Variants in ZNF462 observed in about 807,000 individuals in gnomAD.
ZNF462 encodes zinc finger PBX1-interacting protein.
Under a neutral mutation model 201.9 loss-of-function variants are expected in ZNF462, and 10 were observed. That is an observed-to-expected ratio of 0.05 (90% CI 0.03 to 0.08). The LOEUF (loss-of-function observed/expected upper bound fraction) is 0.08, where lower values mean the gene tolerates loss of function less well. Ranked by LOEUF, ZNF462 falls within the 10% of genes least tolerant of loss-of-function variation. The pLI is 1.00. For missense variants in ZNF462, 2,523 were observed against 3,168.3 expected, an observed-to-expected ratio of 0.80 and a Z score of 4.89; for synonymous variants, 1,227 against 1,193.3, an observed-to-expected ratio of 1.03 and a Z score of -0.58.
At position 106,984,204 on chromosome 9, in the gene ZNF462, T is replaced by C. The variant is rs1355306476; in HGVS notation, c.6851T>C (p.Ile2284Thr). Residue 2284 changes from isoleucine (I) to threonine (T), a missense_variant, in exon 10 of 13, where the codon ATT becomes ACT. Physicochemically the swap from Ile to Thr is moderately conservative, Grantham distance 89. Transcript: ENST00000277225. This position sits in a 1 kb window ranked among gnomAD's most constrained non-coding sequence, Gnocchi z 6.4. ...TCCACAGAAGAGCGTGTTGTCCCCA[T>C]TGAAGTTTGCCGGTCCAAACTGTCC... is the stretch of plus-strand genomic sequence containing the variant. ...VLHREERVVP[I>T]EVCRSKLSKY... 1 of 1,614,002 alleles carries C rather than the reference T, an allele frequency of 6.2e-7. No homozygotes were observed.
intron 7 of ZNF462, among the ~76,000 whole-genome samples, chr9:106,971,511 A>G (rs1337372177): frequency 1.3e-5 from 2 of 151,846 alleles, no homozygotes; most frequent in African/African-American, 4.8e-5. Flanking sequence ...TCCTCCCGGC[A>G]TGCATTCCCC....
chr9:106,963,535 G>A lies in ZNF462; in HGVS notation c.6428-8470G>A, dbSNP rs374404311. Among the ~76,000 whole-genome samples the A allele has an allele frequency of 1.3e-5, 2 of 152,036 alleles. No individual in the cohort carries two copies. Among genetic ancestry groups the A allele is most frequent in the East Asian group, 1.9e-4 (1 of 5,182 alleles). On this transcript the variant is annotated intron_variant, in intron 7 of 12. Transcript: ENST00000277225. The surrounding 1 kb of genome is among the most constrained non-coding windows in gnomAD (Gnocchi z 4.7). Reference sequence around the variant, plus strand: ...GATTGACAGGAACAATGCCTTGTGTGCCTGTATAGCACGGCTGTCCACAAA... The same window carrying A: ...GATTGACAGGAACAATGCCTTGTGTACCTGTATAGCACGGCTGTCCACAAA...
intron 1 of ZNF462, among the ~76,000 whole-genome samples, chr9:106,871,242 G>T (rs1313177896): frequency 6.6e-6 from 1 of 152,222 alleles, no homozygotes; most frequent in African/African-American, 2.4e-5. Flanking sequence ...GTGAATTAGA[G>T]CTCCAGCTGC....
intron 8 of ZNF462, among the ~76,000 whole-genome samples, chr9:106,973,403 C>G (rs1826741369): frequency 1.3e-5 from 2 of 152,056 alleles, no homozygotes; most frequent in Non-Finnish European, 2.9e-5. Flanking sequence ...TTAATTTGCT[C>G]CAGTTACTTT....
intron 1 of ZNF462, among the ~76,000 whole-genome samples, chr9:106,907,816 T>C (rs1395986181): frequency 6.6e-6 from 1 of 151,994 alleles, no homozygotes; most frequent in Non-Finnish European, 1.5e-5. Context: ...TTGATTCATT[T>C]AGTATTATTA....
chr9:106,941,936 G>T (rs1255590299), intron 7 of ZNF462, among the ~76,000 whole-genome samples: 4 of 152,178 alleles, frequency 2.6e-5, no homozygotes. Context: ...TGTAAATTAG[G>T]CCTTGAATGG....
chr9:106,897,954 C>T (rs548168735), intron 1 of ZNF462, among the ~76,000 whole-genome samples: 2 of 152,210 alleles, frequency 1.3e-5, no homozygotes, highest in Non-Finnish European at 2.9e-5. Flanking sequence ...TCTCCCTCCC[C>T]CTACAAACAT....
Position 106,932,585 on chromosome 9 carries a change from G to C in ZNF462, c.6116+36G>C, listed in dbSNP as rs376409885. ...TTGGGGGGTCACTAGTGGTTACTGGGAGATGATGTCATAGTGGAAGGCACT... is the reference window on the plus strand; with the variant it reads ...TTGGGGGGTCACTAGTGGTTACTGGCAGATGATGTCATAGTGGAAGGCACT... On this transcript the variant is annotated intron_variant, in intron 5 of 12. Coordinates refer to ENST00000277225, the MANE Select transcript of ZNF462 (RefSeq NM_021224.6). This position sits in a 1 kb window ranked among gnomAD's most constrained non-coding sequence, Gnocchi z 6.8. 11 of 1,613,922 alleles carry C rather than the reference G, an allele frequency of 6.8e-6. No individual in the cohort carries two copies. The African/African-American group carries it at 1.1e-4, about 16-fold the overall frequency.
chr9:106,872,485 C>T lies in ZNF462; in HGVS notation c.-31+9130C>T, dbSNP rs1330950554. 1.3e-5 allele frequency among the ~76,000 whole-genome samples: 2 copies of T among 152,184 alleles called. No individual in the cohort carries two copies. The highest frequency in any genetic ancestry group is 2.9e-5 in the Non-Finnish European group (2 of 68,034). ...TCAAGCAATTCTCCTGACTCAGCCT[C>T]CCAAGTAGCTGGGACTACAGGCACA... On this transcript the variant is annotated intron_variant, in intron 1 of 12. Transcript: ENST00000277225. The surrounding 1 kb of genome is among the most constrained non-coding windows in gnomAD (Gnocchi z 4.5).
At chr9:106,874,000 T>G (rs1288922943) in intron 1 of ZNF462, among the ~76,000 whole-genome samples, 1 of 152,206 alleles carries the variant, frequency 6.6e-6, no homozygotes, top group Non-Finnish European at 1.5e-5. Context: ...ATGTCCTGTT[T>G]ATAAAGTGTA....
chr9:107,005,169 T>A lies in ZNF462; in HGVS notation c.7189+1743T>A, dbSNP rs1215211394. On this transcript the variant is annotated intron_variant, in intron 11 of 12. Transcript: ENST00000277225. This position sits in a 1 kb window ranked among gnomAD's most constrained non-coding sequence, Gnocchi z 4.4. Reference sequence around the variant, plus strand: ...TTGGTTATTATGAATAACCCTGCAGTGAACGTGAGAGTGCAGATATTTCTT... The same window carrying A: ...TTGGTTATTATGAATAACCCTGCAGAGAACGTGAGAGTGCAGATATTTCTT... Among the ~76,000 whole-genome samples, 2 of 152,172 alleles carry A rather than the reference T, an allele frequency of 1.3e-5. No individual in the cohort carries two copies. The highest frequency in any genetic ancestry group is 2.9e-5 in the Non-Finnish European group (2 of 68,010).
chr9:106,975,613 G>A (rs988084481), intron 9 of ZNF462: 4 of 152,242 alleles, frequency 2.6e-5, no homozygotes, highest in African/African-American at 9.7e-5. Flanking sequence ...GTCCCGCCTG[G>A]TGTTCCGCCT....
At chr9:107,000,976 A>C (rs1365983936) in intron 10 of ZNF462, among the ~76,000 whole-genome samples, 2 of 152,118 alleles carry the variant, frequency 1.3e-5, no homozygotes, top group Non-Finnish European at 2.9e-5. Flanking sequence ...AATTAAAACA[A>C]CTGGATTAAA....
At position 106,984,167 on chromosome 9, in the gene ZNF462, A is replaced by G. The variant is rs974536784; in HGVS notation, c.6833-19A>G. 21 of 1,598,644 alleles carry G rather than the reference A, an allele frequency of 1.3e-5. 1 individual carries two copies. In the Middle Eastern group the frequency reaches 8.4e-4, roughly 64 times the overall value. ...CATCAGTAAAAATTCCCATCTTTCC[A>G]TTCAATTTGTTTCCACAGAAGAGCG... On this transcript the variant is annotated intron_variant, in intron 9 of 12. Transcript: ENST00000277225. The surrounding 1 kb of genome is among the most constrained non-coding windows in gnomAD (Gnocchi z 6.4).
At chr9:106,955,585 T>C (rs1831538423) in intron 7 of ZNF462, among the ~76,000 whole-genome samples, 1 of 152,154 alleles carries the variant, frequency 6.6e-6, no homozygotes, top group Non-Finnish European at 1.5e-5. Flanking sequence ...TGACTCTTCC[T>C]TTCACAAAAG....
At position 107,010,988 on chromosome 9, in the gene ZNF462, C is replaced by T. The variant is rs1319610745; in HGVS notation, c.7479C>T (p.Ala2493=). The T allele has an allele frequency of 6.8e-6, 11 of 1,613,418 alleles. No homozygotes were observed. The highest frequency in any genetic ancestry group is 3.3e-5 in the Admixed American group (2 of 59,932). The change falls in exon 13 of 13, where the codon GCC becomes GCT. Residue 2493 remains alanine, a synonymous_variant. Transcript: ENST00000277225. The surrounding 1 kb of genome is among the most constrained non-coding windows in gnomAD (Gnocchi z 4.6). ...CAGTAGCCATCTGTGTAGTAACTGC[C>T]GACAAATCTCTCCTGGAGAATGCAG... ...NETVAICVVT[A]DKSLLENAEA...
chr9:106,938,407 G>A lies in ZNF462; in HGVS notation c.6236-509G>A, dbSNP rs754598578. Among the ~76,000 whole-genome samples, 2 of 152,174 alleles carry A rather than the reference G, an allele frequency of 1.3e-5. No homozygotes were observed. Among genetic ancestry groups the A allele is most frequent in the Non-Finnish European group, 2.9e-5 (2 of 68,034 alleles). On this transcript the variant is annotated intron_variant, in intron 6 of 12. Coordinates refer to ENST00000277225, the MANE Select transcript of ZNF462 (RefSeq NM_021224.6). The surrounding 1 kb of genome is among the most constrained non-coding windows in gnomAD (Gnocchi z 4.4). The stretch of plus-strand genomic sequence containing the variant: ...TATATGTGGGATGAGAATGTGTATA[G>A]TTAGCAAGGAAGTACAGAATAGAAT...
rs773431431 is a variant in ZNF462 at position 106,954,858 on chromosome 9, C to G, written c.6427+15751C>G. Reference sequence around the variant, plus strand: ...TCCATAATATTACCAGGAGGGAGCTCTTTAGGAGCAGGGTTTTTGTTATTT... The same window carrying G: ...TCCATAATATTACCAGGAGGGAGCTGTTTAGGAGCAGGGTTTTTGTTATTT... On this transcript the variant is annotated intron_variant, in intron 7 of 12. Transcript: ENST00000277225. This position sits in a 1 kb window ranked among gnomAD's most constrained non-coding sequence, Gnocchi z 4.0. Among the ~76,000 whole-genome samples, 2 of 152,124 alleles carry G rather than the reference C, an allele frequency of 1.3e-5. No homozygotes were observed. The highest frequency in any genetic ancestry group is 4.8e-5 in the African/African-American group (2 of 41,432).
rs548782828 is a variant in ZNF462, at chr9:106,962,797, C to T, written c.6428-9208C>T. ...GTTTTTCCGTTTGCCTCCATGACAACGGAGTCCAGAATTCCTATATATAGT... is the reference window on the plus strand; with the variant it reads ...GTTTTTCCGTTTGCCTCCATGACAATGGAGTCCAGAATTCCTATATATAGT... On this transcript the variant is annotated intron_variant, in intron 7 of 12. Transcript: ENST00000277225. The surrounding 1 kb of genome is among the most constrained non-coding windows in gnomAD (Gnocchi z 4.6). Among the ~76,000 whole-genome samples, 4 of 152,130 alleles carry T rather than the reference C, an allele frequency of 2.6e-5. No individual in the cohort carries two copies. The highest frequency in any genetic ancestry group is 4.4e-5 in the Non-Finnish European group (3 of 67,962).
Sources: gnomAD v4.1 joint callset for allele counts (sites outside exome capture counted in the v4.1 genomes callset) on GRCh38, gnomAD v4.1.1 for gene constraint, Gnocchi (gnomAD v3.1) non-coding constraint, MANE v1.5 for transcripts, NCBI Gene and HGNC (gene_info 2026-07-23, HGNC 2026-07-21) for gene names.